NRG1: variants seen among roughly 807,000 people sequenced by gnomAD.
NRG1 encodes the protein pro-neuregulin-1, membrane-bound isoform.
In NRG1, 18 loss-of-function variants were observed where a neutral mutation model predicts 63.8. That is an observed-to-expected ratio of 0.28 (90% confidence interval 0.19 to 0.42). The LOEUF (loss-of-function observed/expected upper bound fraction) is 0.42, where lower values mean the gene tolerates loss of function less well. Among genes scored for constraint, NRG1 ranks in the 10% least tolerant of loss-of-function variants. The pLI is 1.00. For synonymous variants in NRG1, 302 were observed against 301.3 expected, an observed-to-expected ratio of 1.00 and a Z score of -0.02; for missense variants, 762 against 814.7, an observed-to-expected ratio of 0.94 and a Z score of 0.79.
At chr8:32,248,772 G>C (rs937555275) in intron 1 of NRG1, among the ~76,000 whole-genome samples, 10 of 151,874 alleles carry the variant, frequency 6.6e-5, no homozygotes, top group African/African-American at 2.2e-4. Flanking sequence ...TCTAAGTTTA[G>C]GAAGAACATT....
chr8:32,610,109 T>A (rs1421191869), intron 3 of NRG1, among the ~76,000 whole-genome samples: 2 of 152,208 alleles, frequency 1.3e-5, no homozygotes, highest in African/African-American at 4.8e-5. Context: ...GTCACTTTAT[T>A]AATTTCATTT....
chr8:32,378,536 A>G (rs548053835), intron 1 of NRG1, among the ~76,000 whole-genome samples: 6 of 152,142 alleles, frequency 3.9e-5, no homozygotes, highest in Non-Finnish European at 7.3e-5. Context: ...AATTTTTTCT[A>G]TTTTTACAGG....
At position 32,334,969 on chromosome 8, in the gene NRG1, T is replaced by A. The variant is rs113779332; in HGVS notation, c.38-260859T>A. 1.2e-3 allele frequency among the ~76,000 whole-genome samples: 178 copies of A among 152,298 alleles called. 2 individuals are homozygous for A. The highest frequency in any genetic ancestry group is 4.1e-3 in the African/African-American group (170 of 41,570). ...TCTTTGGTGGTCACTTTAAGTGTAT[T>A]TCTCTTACAACAGCCCTGCACGTCC... On this transcript the variant is annotated intron_variant, in intron 1 of 10. Transcript: ENST00000519301.
At chr8:32,295,869 G>A (rs1242006122) in intron 1 of NRG1, among the ~76,000 whole-genome samples, 8 of 151,014 alleles carry the variant, frequency 5.3e-5, no homozygotes, top group African/African-American at 2.0e-4. Context: ...CCCGGGAGGC[G>A]GAGGTTGCAG....
At chr8:31,885,202 T>G (rs2129613215) in intron 1 of NRG1, among the ~76,000 whole-genome samples, 1 of 152,236 alleles carries the variant, frequency 6.6e-6, no homozygotes, top group South Asian at 2.1e-4. Flanking sequence ...AATTGTACAT[T>G]TAAGCAAATA....
intron 2 of NRG1, among the ~76,000 whole-genome samples, chr8:32,598,873 G>A (rs1471726196): frequency 6.6e-6 from 1 of 151,986 alleles, no homozygotes. Flanking sequence ...TTTGCAAGGT[G>A]TTCTATTATT....
chr8:32,375,477 C>T (rs1031363111), intron 1 of NRG1, among the ~76,000 whole-genome samples: 6 of 152,130 alleles, frequency 3.9e-5, no homozygotes, highest in African/African-American at 1.2e-4. Context: ...TTAAAGATCT[C>T]GGGAAATTCA....
chr8:31,739,312 G>T (rs1815027467), intron 1 of NRG1, among the ~76,000 whole-genome samples: 1 of 151,930 alleles, frequency 6.6e-6, no homozygotes, highest in South Asian at 2.1e-4. Flanking sequence ...CACTGGGGTT[G>T]GTAATGCAAT....
chr8:31,882,616 T>C (rs1830439581), intron 1 of NRG1, among the ~76,000 whole-genome samples: 1 of 152,128 alleles, frequency 6.6e-6, no homozygotes, highest in Non-Finnish European at 1.5e-5. Flanking sequence ...AGAGGATTCA[T>C]CATTGTAGAT....
At chr8:31,665,458 G>A (rs967483581) in intron 1 of NRG1, among the ~76,000 whole-genome samples, 1 of 152,110 alleles carries the variant, frequency 6.6e-6, no homozygotes, top group African/African-American at 2.4e-5. Context: ...TTTAAACAGT[G>A]GTCTAGGTTT....
intron 1 of NRG1, among the ~76,000 whole-genome samples, chr8:32,051,582 A>G (rs1821984819): frequency 6.6e-6 from 1 of 152,152 alleles, no homozygotes; most frequent in Non-Finnish European, 1.5e-5. Context: ...AGTTTCCTCA[A>G]ATAATTACAT....
At chr8:32,335,274 G>A (rs970413) in intron 1 of NRG1, among the ~76,000 whole-genome samples, 130,244 of 152,202 alleles carry the variant, frequency 0.86, 56,012 homozygotes, top group Middle Eastern at 0.92. Context: ...TGGTGCATGC[G>A]AATTTTCCCA....
At chr8:32,479,917 G>T (rs750890351) in intron 1 of NRG1, among the ~76,000 whole-genome samples, 1 of 152,044 alleles carries the variant, frequency 6.6e-6, no homozygotes, top group Non-Finnish European at 1.5e-5. Context: ...CAAAGCGCTG[G>T]GATTACAGGT....
chr8:32,672,770 A>G (rs1057027883), intron 5 of NRG1, among the ~76,000 whole-genome samples: 5 of 38,298 alleles, frequency 1.3e-4, no homozygotes, highest in Admixed American at 6.9e-4. Flanking sequence ...AATAATATCA[A>G]TAACAATATA....
chr8:32,410,674 CA>C (rs1814792567), intron 1 of NRG1, among the ~76,000 whole-genome samples: 1 of 152,032 alleles, frequency 6.6e-6, no homozygotes, highest in Non-Finnish European at 1.5e-5. Flanking sequence ...AGAAACTAAC[CA>C]CTTTTAGACT....
intron 1 of NRG1, among the ~76,000 whole-genome samples, chr8:31,746,533 A>G (rs2131430740): frequency 6.6e-6 from 1 of 152,078 alleles, no homozygotes; most frequent in Non-Finnish European, 1.5e-5. Flanking sequence ...AGCATATTAC[A>G]AATACTTTAT....
intron 1 of NRG1, among the ~76,000 whole-genome samples, chr8:32,457,022 C>A (rs1335589066): frequency 6.6e-6 from 1 of 152,084 alleles, no homozygotes; most frequent in Non-Finnish European, 1.5e-5. Context: ...GTCCCAGCTA[C>A]TCAAGAGGTT....
chr8:31,753,557 A>T (rs998033443), intron 1 of NRG1, among the ~76,000 whole-genome samples: 1 of 152,120 alleles, frequency 6.6e-6, no homozygotes, highest in African/African-American at 2.4e-5. Context: ...CTTGTCTTCT[A>T]TTATTAAATT....
At chr8:32,026,112 A>G (rs1817288239) in intron 1 of NRG1, 1 of 145,950 alleles carries the variant, frequency 6.9e-6, no homozygotes, top group South Asian at 2.2e-4. Context: ...TCTGTCGCCC[A>G]GGCTGGAGTG....
Sources: allele counts gnomAD v4.1 joint callset (sites outside exome capture counted in the v4.1 genomes callset), GRCh38; gene constraint gnomAD v4.1.1; transcripts MANE v1.5; gene names NCBI Gene and HGNC (gene_info 2026-07-23, HGNC 2026-07-21).